The following C3orf33 variants were observed in gnomAD, a reference collection of about 807,000 sequenced individuals.
The protein encoded by C3orf33 is mitochondrial inner membrane subdomain organizer 1.
A neutral mutation model predicts 28.7 loss-of-function variants in C3orf33; 23 were observed. The observed-to-expected ratio is 0.80, with a 90% CI of 0.58 to 1.13. The LOEUF is 1.13. Among genes scored for constraint, C3orf33 ranks in the 50% most tolerant of loss-of-function variants. The pLI, the probability that C3orf33 is intolerant of heterozygous loss-of-function variation, is 0.00. For synonymous variants in C3orf33, 119 were observed against 120.5 expected (o/e 0.99, Z 0.08); for missense variants, 327 against 353.4 (o/e 0.93, Z 0.60).
Position 155,806,215 on chromosome 3 carries a change from G to A in C3orf33, c.38C>T (p.Ala13Val). The A allele has an allele frequency of 6.7e-7, 1 of 1,487,510 alleles. No homozygotes were observed. The highest frequency in any genetic ancestry group is 2.1e-5 in the Admixed American group (1 of 48,630). 92.1% of individuals were successfully genotyped at this position (1,487,510 alleles called of 1,614,324 possible). Reference protein sequence around the residue: ...GQPAATGSPSADKDGMEPNVV... With the variant: ...GQPAATGSPSVDKDGMEPNVV... Reference sequence around the variant, plus strand: ...GTTGGGCTCCATTCCGTCCTTGTCGGCAGACGGCGAGCCGGTGGCCGCGGG... The same window carrying A: ...GTTGGGCTCCATTCCGTCCTTGTCGACAGACGGCGAGCCGGTGGCCGCGGG... Residue 13 changes from alanine (A) to valine (V), a missense_variant, in exon 1 of 5, where the codon GCC (alanine) becomes GTC (valine). Coordinates refer to ENST00000340171, the MANE Select transcript of C3orf33 (RefSeq NM_001308229.2).
chr3:155,805,617 G>C (rs1368014514), intron 1 of C3orf33: 1 of 454,466 alleles, frequency 2.2e-6, no homozygotes, highest in Non-Finnish European at 4.4e-6. Flanking sequence ...AGCTACTCGG[G>C]AGGCTGAAGT....
chr3:155,764,053 TC>T, intron 4 of C3orf33, 135 bp from the exon 5 acceptor site: 2 of 576,938 alleles, frequency 3.5e-6, no homozygotes, highest in South Asian at 6.4e-5. Flanking sequence ...TCCCCAAGGC[TC>T]CCCCAAAACA....
At chr3:155,791,337 G>A (rs771816252) in intron 2 of C3orf33, among the ~76,000 whole-genome samples, 5 of 152,088 alleles carry the variant, frequency 3.3e-5, no homozygotes, top group Admixed American at 6.6e-5. Context: ...CGCAATACCC[G>A]CTGTGGGCCT....
In C3orf33 at chr3:155,765,671, C is replaced by G. The variant is rs377120995; in HGVS notation, c.484-1753G>C. ...CAAGTGATTCTCTTGCCTCAACCTC[C>G]TGAGTAGCTGGGATTCCAGGCACCC... is the stretch of plus-strand genomic sequence containing the variant. On this transcript the variant is annotated intron_variant, in intron 4 of 4. Transcript: ENST00000340171. 2.0e-5 allele frequency among the ~76,000 whole-genome samples: 3 copies of G among 152,154 alleles called. No homozygotes were observed. In the East Asian group the frequency reaches 5.8e-4, roughly 29 times the overall value.
At chr3:155,800,601 C>T (rs1393115700) in intron 2 of C3orf33, among the ~76,000 whole-genome samples, 1 of 62,216 alleles carries the variant, frequency 1.6e-5, no homozygotes, top group African/African-American at 5.1e-5. Context: ...CAGAGTGAGA[C>T]CTTATCTCCA....
At chr3:155,770,407 G>A (rs1750544182) in intron 3 of C3orf33, among the ~76,000 whole-genome samples, 1 of 152,172 alleles carries the variant, frequency 6.6e-6, no homozygotes, top group African/African-American at 2.4e-5. Context: ...GCGAAGCAGA[G>A]CCAAAAAAAT....
chr3:155,787,660 A>G (rs1318998685), intron 2 of C3orf33, among the ~76,000 whole-genome samples: 5 of 150,828 alleles, frequency 3.3e-5, no homozygotes, highest in African/African-American at 1.2e-4. Flanking sequence ...CCGTATGCCC[A>G]GCTAATTTGT....
At chr3:155,774,750 G>A (rs1559990505) in intron 3 of C3orf33, among the ~76,000 whole-genome samples, 1 of 130,680 alleles carries the variant, frequency 7.7e-6, no homozygotes, top group Non-Finnish European at 1.6e-5. Context: ...TTCTTCCAAT[G>A]TGGCCCAGGG....
intron 1 of C3orf33, 114 bp downstream of exon 1, chr3:155,806,025 T>C: frequency 2.9e-6 from 2 of 696,366 alleles, no homozygotes; most frequent in Non-Finnish European, 2.1e-6. Flanking sequence ...CCCCCGCAGT[T>C]TTCTGTCGCT....
At chr3:155,777,882 T>C (rs979052551) in intron 2 of C3orf33, among the ~76,000 whole-genome samples, 1 of 152,124 alleles carries the variant, frequency 6.6e-6, no homozygotes, top group Non-Finnish European at 1.5e-5. Context: ...CCAGATGCGA[T>C]GGTTCATACC....
chr3:155,780,575 A>G (rs921408137), intron 2 of C3orf33, among the ~76,000 whole-genome samples: 1 of 152,276 alleles, frequency 6.6e-6, no homozygotes, highest in Non-Finnish European at 1.5e-5. Flanking sequence ...CTGAAGGAAT[A>G]TAAGAACTTG....
intron 4 of C3orf33, 74 bp downstream of exon 4, chr3:155,767,435 C>A: frequency 5.1e-6 from 6 of 1,171,088 alleles, no homozygotes; most frequent in Non-Finnish European, 6.7e-6. Context: ...ATCCAAAGTT[C>A]TAATTAAATA....
At chr3:155,779,920 T>G (rs185404525) in intron 2 of C3orf33, among the ~76,000 whole-genome samples, 1 of 152,146 alleles carries the variant, frequency 6.6e-6, no homozygotes, top group Non-Finnish European at 1.5e-5. Context: ...GAGCTCACAG[T>G]GTATGTGAGA....
chr3:155,788,176 G>T (rs2109270300), intron 2 of C3orf33, among the ~76,000 whole-genome samples: 1 of 148,406 alleles, frequency 6.7e-6, no homozygotes, highest in South Asian at 2.1e-4. Flanking sequence ...GGGCGACAGA[G>T]CGAGACTCCG....
At chr3:155,765,581 T>G (rs1245958684) in intron 4 of C3orf33, among the ~76,000 whole-genome samples, 3 of 152,216 alleles carry the variant, frequency 2.0e-5, no homozygotes, top group African/African-American at 7.2e-5. Flanking sequence ...GGAGTCTCAC[T>G]CTGTCACCCA....
intron 1 of C3orf33, among the ~76,000 whole-genome samples, chr3:155,803,494 G>C (rs1268539272): frequency 6.6e-6 from 1 of 150,646 alleles, no homozygotes; most frequent in Non-Finnish European, 1.5e-5. Flanking sequence ...GAATCGGGGA[G>C]GCAGAGGTTG....
chr3:155,778,141 C>CAAAAAAAAAAAAAAAAAAAA (rs55700532), intron 2 of C3orf33, among the ~76,000 whole-genome samples: 1 of 75,788 alleles, frequency 1.3e-5, no homozygotes, highest in Non-Finnish European at 2.3e-5. Context: ...AACTCCATTT[C>CAAAAAAAAAAAAAAAAAAAA]AAAAAAAAAA....
intron 3 of C3orf33, among the ~76,000 whole-genome samples, chr3:155,774,405 T>C (rs759270592): frequency 4.6e-5 from 7 of 152,088 alleles, no homozygotes; most frequent in Admixed American, 6.6e-5. Flanking sequence ...GAAGAATCAA[T>C]TGATGTTCAA....
chr3:155,780,216 AGAT>A (rs1750876523), intron 2 of C3orf33, among the ~76,000 whole-genome samples: 1 of 152,220 alleles, frequency 6.6e-6, no homozygotes, highest in Admixed American at 6.5e-5. Flanking sequence ...AGAGGCAGAA[AGAT>A]GATGCTGCTA....
Sources: allele counts gnomAD v4.1 joint callset (sites outside exome capture counted in the v4.1 genomes callset), GRCh38; gene constraint gnomAD v4.1.1; transcripts MANE v1.5; gene names NCBI Gene and HGNC (gene_info 2026-07-23, HGNC 2026-07-21).